Variants in KIAA0513 observed in about 807,000 individuals in gnomAD.
KIAA0513 encodes uncharacterized protein KIAA0513.
Under a neutral mutation model 56.5 loss-of-function variants are expected in KIAA0513, and 39 were observed. That is an observed-to-expected ratio of 0.69 (90% CI 0.53 to 0.90). The LOEUF (loss-of-function observed/expected upper bound fraction) is 0.90, where lower values mean the gene tolerates loss of function less well. Among genes scored for constraint, KIAA0513 ranks in the 40% least tolerant of loss-of-function variants. The probability of loss-of-function intolerance (pLI) is 0.00; values close to 1 mark genes in which losing one functional copy is unlikely to be tolerated. For synonymous variants in KIAA0513, 268 were observed against 215.6 expected, an observed-to-expected ratio of 1.24 and a Z score of -2.13; for missense variants, 591 against 535.2, an observed-to-expected ratio of 1.10 and a Z score of -1.03.
chr16:85,068,678 G>A (rs558547319), intron 2 of KIAA0513, among the ~76,000 whole-genome samples: 21 of 152,210 alleles, frequency 1.4e-4, no homozygotes, highest in Middle Eastern at 3.4e-3. Flanking sequence ...TGTTGGCCAG[G>A]CTGGTCTCGA....
intron 9 of KIAA0513, among the ~76,000 whole-genome samples, 177 bp from the exon 10 acceptor site, chr16:85,082,387 C>T (rs985672181): frequency 6.6e-6 from 1 of 152,066 alleles, no homozygotes; most frequent in Non-Finnish European, 1.5e-5. Flanking sequence ...AGGGGCGTTG[C>T]CTCTTTAGTT....
chr16:85,051,753 C>T (rs754973798), intron 1 of KIAA0513, among the ~76,000 whole-genome samples: 6 of 151,804 alleles, frequency 4.0e-5, no homozygotes, highest in African/African-American at 9.7e-5. Context: ...ACGATGCTGG[C>T]GGGGTTTGTT....
At chr16:85,085,845 T>G (rs2073801770) in intron 10 of KIAA0513, among the ~76,000 whole-genome samples, 2 of 152,226 alleles carry the variant, frequency 1.3e-5, no homozygotes, top group African/African-American at 2.4e-5. Context: ...CTGAAGCTCG[T>G]GCAAACCTCG....
chr16:85,037,749 G>C (rs776452418), intron 1 of KIAA0513, among the ~76,000 whole-genome samples: 2 of 152,094 alleles, frequency 1.3e-5, no homozygotes, highest in African/African-American at 4.8e-5. Flanking sequence ...GGAAGCAAGC[G>C]GTATTCTACA....
chr16:85,051,538 G>A (rs947451362), intron 1 of KIAA0513, among the ~76,000 whole-genome samples: 7 of 152,106 alleles, frequency 4.6e-5, no homozygotes, highest in East Asian at 1.9e-4. Context: ...GAACTGTTCC[G>A]GTTGGTGGTG....
chr16:85,038,947 C>T (rs1374463640), intron 1 of KIAA0513, among the ~76,000 whole-genome samples: 4 of 152,170 alleles, frequency 2.6e-5, no homozygotes, highest in African/African-American at 4.8e-5. Context: ...GTGGGTAGCA[C>T]AGCTCTGACC....
At chr16:85,054,889 A>C (rs1392115724) in intron 1 of KIAA0513, among the ~76,000 whole-genome samples, 1 of 152,104 alleles carries the variant, frequency 6.6e-6, no homozygotes, top group Non-Finnish European at 1.5e-5. Flanking sequence ...GTGAGGGTTC[A>C]TTGAACGGCA....
chr16:85,027,916 G>T (rs569246729), intron 1 of KIAA0513, 58 bp downstream of exon 1: 1 of 152,216 alleles, frequency 6.6e-6, no homozygotes, highest in Non-Finnish European at 1.5e-5. Context: ...GGATGACCCG[G>T]GAGGGACGGC....
At chr16:85,057,757 C>CTTTTTTTTTTTTTTTTTTTTTTT (rs1460366309) in intron 1 of KIAA0513, among the ~76,000 whole-genome samples, 1 of 147,778 alleles carries the variant, frequency 6.8e-6, no homozygotes, top group Non-Finnish European at 1.5e-5. Flanking sequence ...GCTGCCTCTG[C>CTTTTTTTTTTTTTTTTTTTTTTT]TTTTTGTTTT....
chr16:85,088,210 A>C, intron 12 of KIAA0513, 66 bp from the exon 13 acceptor site: 3 of 1,453,362 alleles, frequency 2.1e-6, no homozygotes, highest in Non-Finnish European at 2.9e-6. Context: ...CCGAGTGACA[A>C]GAGCAGGATA....
intron 6 of KIAA0513, 115 bp downstream of exon 6, chr16:85,077,747 A>T: frequency 2.6e-6 from 2 of 757,862 alleles, no homozygotes; most frequent in South Asian, 1.9e-5. Context: ...TGTCAGGAAC[A>T]CTGCGCTGCC....
chr16:85,044,975 G>A lies in KIAA0513; in HGVS notation c.-173+17117G>A, dbSNP rs368754396. Reference sequence around the variant, plus strand: ...CTACTAAAAATGCAAAAAATTAGCCGGGCGTGGTGGTGGGCACCTGTAGTC... The same window carrying A: ...CTACTAAAAATGCAAAAAATTAGCCAGGCGTGGTGGTGGGCACCTGTAGTC... On this transcript the variant is annotated intron_variant, in intron 1 of 12. Transcript: ENST00000683363. 2.4e-4 allele frequency among the ~76,000 whole-genome samples: 37 copies of A among 152,160 alleles called. No individual in the cohort carries two copies. In the South Asian group the frequency reaches 4.4e-3, roughly 18 times the overall value.
Position 85,091,492 on chromosome 16 carries a change from T to C in KIAA0513, c.*3167T>C, listed in dbSNP as rs2144126941. ...AAACAGCTCTGAAATTTCCAAAAAA[T>C]GGCTAGAGGGAGAGTCCAGTTTCTG... On this transcript the variant is annotated 3_prime_UTR_variant, in exon 13 of 13. Transcript: ENST00000683363. 6.6e-6 allele frequency: 1 copy of C among 152,250 alleles called. No individual in the cohort carries two copies. Among genetic ancestry groups the C allele is most frequent in the African/African-American group, 2.4e-5 (1 of 41,548 alleles). 9.4% of individuals were successfully genotyped at this position (152,250 alleles called of 1,614,324 possible). A position where few individuals can be genotyped will look rare whatever the true frequency, so the allele number is the denominator to read the frequency against.
chr16:85,053,732 C>G (rs1020938418), intron 1 of KIAA0513, among the ~76,000 whole-genome samples: 2 of 152,100 alleles, frequency 1.3e-5, no homozygotes, highest in African/African-American at 4.8e-5. Flanking sequence ...GTGGCTCACG[C>G]CTATAATCCC....
intron 1 of KIAA0513, among the ~76,000 whole-genome samples, chr16:85,041,934 G>A (rs938142556): frequency 6.6e-6 from 1 of 152,158 alleles, no homozygotes; most frequent in Non-Finnish European, 1.5e-5. Context: ...GATTCCGAGC[G>A]TTTGCCCCTA....
At chr16:85,069,318 C>T (rs2073537297) in intron 2 of KIAA0513, among the ~76,000 whole-genome samples, 1 of 151,950 alleles carries the variant, frequency 6.6e-6, no homozygotes, top group Admixed American at 6.6e-5. Flanking sequence ...TTAAGCAGTC[C>T]TCCTGCCACG....
At chr16:85,051,582 G>T (rs1052381546) in intron 1 of KIAA0513, among the ~76,000 whole-genome samples, 1 of 152,122 alleles carries the variant, frequency 6.6e-6, no homozygotes, top group Non-Finnish European at 1.5e-5. Context: ...TGCAGGCTCA[G>T]CTTTCCTTCT....
intron 6 of KIAA0513, 37 bp downstream of exon 6, chr16:85,077,669 G>A (rs549844956): frequency 2.0e-6 from 3 of 1,504,620 alleles, no homozygotes; most frequent in Non-Finnish European, 2.7e-6. Context: ...ACCTGCAGGG[G>A]ACTGGGGAGA....
chr16:85,044,948 C>G (rs1343875880), intron 1 of KIAA0513, among the ~76,000 whole-genome samples: 1 of 151,934 alleles, frequency 6.6e-6, no homozygotes, highest in Non-Finnish European at 1.5e-5. Flanking sequence ...GAAACCCTCT[C>G]TCTACTAAAA....
Sources: gnomAD v4.1 joint callset for allele counts (sites outside exome capture counted in the v4.1 genomes callset) on GRCh38, gnomAD v4.1.1 for gene constraint, MANE v1.5 for transcripts, NCBI Gene and HGNC (gene_info 2026-07-23, HGNC 2026-07-21) for gene names.